The following KCNIP1 variants were observed in gnomAD, a reference collection of about 807,000 sequenced individuals.
The protein encoded by KCNIP1 is A-type potassium channel modulatory protein KCNIP1.
KCNIP1 carries 18 observed loss-of-function variants against 33.0 expected under a neutral mutation model. That is an observed-to-expected ratio of 0.55 (90% CI 0.38 to 0.81). KCNIP1 has a LOEUF of 0.81. Among genes scored for constraint, KCNIP1 ranks in the 30% least tolerant of loss-of-function variants. The pLI, the probability that KCNIP1 is intolerant of heterozygous loss-of-function variation, is 0.00. For synonymous variants in KCNIP1, 93 were observed against 98.3 expected, an observed-to-expected ratio of 0.95 and a Z score of 0.32; for missense variants, 238 against 271.6, an observed-to-expected ratio of 0.88 and a Z score of 0.87.
chr5:170,492,878 T>G (rs902917741), intron 1 of KCNIP1, among the ~76,000 whole-genome samples: 5 of 152,186 alleles, frequency 3.3e-5, no homozygotes, highest in Non-Finnish European at 5.9e-5. Flanking sequence ...GCCTCCCAAG[T>G]AGCTGGGACT....
intron 1 of KCNIP1, among the ~76,000 whole-genome samples, chr5:170,513,028 C>T (rs538348939): frequency 3.3e-5 from 5 of 150,552 alleles, no homozygotes; most frequent in African/African-American, 1.2e-4. Context: ...CCAGCCTGGG[C>T]GACAGAGCGA....
intron 1 of KCNIP1, among the ~76,000 whole-genome samples, chr5:170,628,403 C>T (rs746966428): frequency 2.6e-5 from 4 of 152,142 alleles, no homozygotes; most frequent in East Asian, 3.9e-4. Context: ...CACTGAGGCT[C>T]GGAGTGGTGG....
At chr5:170,587,827 C>G (rs1037514661) in intron 1 of KCNIP1, among the ~76,000 whole-genome samples, 5 of 152,204 alleles carry the variant, frequency 3.3e-5, no homozygotes, top group African/African-American at 9.7e-5. Context: ...GTAACATATT[C>G]ACAGCTTCTG....
chr5:170,674,684 G>A (rs1364539486), intron 1 of KCNIP1, among the ~76,000 whole-genome samples: 2 of 152,136 alleles, frequency 1.3e-5, no homozygotes, highest in African/African-American at 4.8e-5. Context: ...CTGGAAGCAG[G>A]GTTCAAGATC....
intron 1 of KCNIP1, among the ~76,000 whole-genome samples, chr5:170,569,522 G>C (rs903919134): frequency 6.6e-6 from 1 of 152,210 alleles, no homozygotes; most frequent in Non-Finnish European, 1.5e-5. Context: ...GTCAAATACA[G>C]ATAACAATAG....
intron 1 of KCNIP1, among the ~76,000 whole-genome samples, chr5:170,535,813 T>A (rs1389758774): frequency 6.6e-6 from 1 of 152,210 alleles, no homozygotes; most frequent in Non-Finnish European, 1.5e-5. Flanking sequence ...TGATTGCTCA[T>A]CTCCAGACCA....
chr5:170,578,018 T>C (rs1456646822), intron 1 of KCNIP1, among the ~76,000 whole-genome samples: 1 of 152,244 alleles, frequency 6.6e-6, no homozygotes, highest in Non-Finnish European at 1.5e-5. Flanking sequence ...TTAGGATAGA[T>C]TGCTAGACGT....
At chr5:170,734,780 C>T (rs968133531) in intron 7 of KCNIP1, among the ~76,000 whole-genome samples, 1 of 152,238 alleles carries the variant, frequency 6.6e-6, no homozygotes, top group Non-Finnish European at 1.5e-5. Context: ...ACATCACAGC[C>T]ACCCTGTTAT....
chr5:170,675,288 G>T (rs141423393), intron 1 of KCNIP1, among the ~76,000 whole-genome samples: 1 of 151,636 alleles, frequency 6.6e-6, no homozygotes, highest in African/African-American at 2.4e-5. Flanking sequence ...AACAGAGTGA[G>T]ACCCTGTCTC....
chr5:170,378,625 T>C (rs2656841), intron 1 of KCNIP1: 1 of 1,428,694 alleles, frequency 7.0e-7, no homozygotes, highest in African/African-American at 1.4e-5. Flanking sequence ...GAAGGCATTG[T>C]GCTGCAAGTG....
At chr5:170,679,346 G>C (rs2113789782) in intron 1 of KCNIP1, 1 of 152,372 alleles carries the variant, frequency 6.6e-6, no homozygotes, top group East Asian at 1.9e-4. Flanking sequence ...AATGGAGATT[G>C]ACACAAAGAA....
intron 1 of KCNIP1, among the ~76,000 whole-genome samples, chr5:170,640,160 A>T (rs1760482276): frequency 3.9e-5 from 6 of 152,256 alleles, no homozygotes; most frequent in Admixed American, 3.3e-4. Flanking sequence ...GCTGGGGAAC[A>T]GGGAGGTCCA....
intron 1 of KCNIP1, among the ~76,000 whole-genome samples, chr5:170,483,439 C>T (rs1757019257): frequency 6.6e-6 from 1 of 152,206 alleles, no homozygotes; most frequent in African/African-American, 2.4e-5. Flanking sequence ...GCTACAGCCC[C>T]TCTCGCTTCT....
intron 1 of KCNIP1, among the ~76,000 whole-genome samples, chr5:170,557,099 C>T (rs954966072): frequency 3.3e-5 from 5 of 152,182 alleles, no homozygotes; most frequent in African/African-American, 1.2e-4. Flanking sequence ...ATGCTCCAGT[C>T]CCAGCTCTGC....
intron 1 of KCNIP1, among the ~76,000 whole-genome samples, chr5:170,363,448 A>C (rs1332619892): frequency 1.3e-5 from 2 of 152,228 alleles, no homozygotes; most frequent in Admixed American, 6.5e-5. Context: ...GGAAGAGACC[A>C]GGAGTACACA....
intron 1 of KCNIP1, among the ~76,000 whole-genome samples, chr5:170,413,992 AAG>A (rs2113412085): frequency 6.6e-6 from 1 of 151,706 alleles, no homozygotes; most frequent in South Asian, 2.1e-4. Context: ...TAAGGTGACA[AAG>A]AGTCAATGTA....
chr5:170,442,068 A>T (rs1348079396), intron 1 of KCNIP1, among the ~76,000 whole-genome samples: 1 of 151,922 alleles, frequency 6.6e-6, no homozygotes. Flanking sequence ...CCCAGCCAAG[A>T]TTGTTCTCAA....
At chr5:170,453,301 C>T (rs992637307) in intron 1 of KCNIP1, among the ~76,000 whole-genome samples, 1 of 152,142 alleles carries the variant, frequency 6.6e-6, no homozygotes, top group South Asian at 2.1e-4. Context: ...AGAGAAGTGG[C>T]CTCTATTTCA....
chr5:170,525,687 C>T (rs2113324638), intron 1 of KCNIP1, among the ~76,000 whole-genome samples: 1 of 152,350 alleles, frequency 6.6e-6, no homozygotes, highest in African/African-American at 2.4e-5. Flanking sequence ...AAGCCCCTTC[C>T]CAGGCAACTG....
Sources: allele counts gnomAD v4.1 joint callset (sites outside exome capture counted in the v4.1 genomes callset), GRCh38; gene constraint gnomAD v4.1.1; transcripts MANE v1.5; gene names NCBI Gene and HGNC (gene_info 2026-07-23, HGNC 2026-07-21).